Variants in CHD3 observed in about 807,000 individuals in gnomAD.
The protein encoded by CHD3 is chromodomain helicase DNA binding protein 3.
CHD3 carries 52 observed loss-of-function variants against 248.9 expected under a neutral mutation model. The ratio of observed to expected loss-of-function variants is 0.21; its 90% CI spans 0.17 to 0.26. The LOEUF is 0.26. CHD3 is among the 10% of genes least tolerant of loss of function. The pLI, the probability that CHD3 is intolerant of heterozygous loss-of-function variation, is 1.00. For synonymous variants in CHD3, 985 were observed against 985.2 expected (o/e 1.00, Z 0.00); for missense variants, 1,482 against 2,605.8 (o/e 0.57, Z 9.39).
chr17:7,909,373 C>A lies in CHD3; in HGVS notation c.5590+35C>A. ...GCGGCGGCCCCGCGCGGGGGAGGGC[C>A]CACAACGCTGCGTAAGTCTTCACCC... On this transcript the variant is annotated intron_variant, in intron 37 of 39. Coordinates refer to ENST00000330494, the MANE Select transcript of CHD3 (RefSeq NM_001005273.3). This position sits in a 1 kb window ranked among gnomAD's most constrained non-coding sequence, Gnocchi z 8.1. 6.6e-7 allele frequency: 1 copy of A among 1,512,518 alleles called. No individual in the cohort carries two copies. The highest frequency in any genetic ancestry group is 8.9e-7 in the Non-Finnish European group (1 of 1,128,804). 93.7% of individuals were successfully genotyped at this position (1,512,518 alleles called of 1,614,324 possible). A position where few individuals can be genotyped will look rare whatever the true frequency, so the allele number is the denominator to read the frequency against.
At chr17:7,885,545 G>A (rs1238030139), upstream of CHD3, among the ~76,000 whole-genome samples, 3 of 151,626 alleles carry the variant, frequency 2.0e-5, no homozygotes, top group South Asian at 4.2e-4. Flanking sequence ...GGACGGCGGC[G>A]TGGGGGAGGG....
At chr17:7,887,431 T>G (rs929332127), upstream of CHD3, among the ~76,000 whole-genome samples, 2 of 135,100 alleles carry the variant, frequency 1.5e-5, no homozygotes, top group African/African-American at 5.7e-5. Flanking sequence ...TCGAGAGAAA[T>G]AATATAACAT....
intron 13 of CHD3, 96 bp downstream of exon 13, chr17:7,898,691 C>T: frequency 1.1e-6 from 1 of 921,336 alleles, no homozygotes; most frequent in Admixed American, 2.5e-5. Flanking sequence ...ATTCAGTAAC[C>T]TCTGTGAACA....
Position 7,903,301 on chromosome 17 carries a change from G to A in CHD3, c.3525G>A (p.Gln1175=). 1.2e-6 allele frequency: 2 copies of A among 1,614,114 alleles called. No individual in the cohort carries two copies. The highest frequency in any genetic ancestry group is 1.7e-6 in the Non-Finnish European group (2 of 1,180,036). The change falls in exon 23 of 40, where the codon CAG becomes CAA. Residue 1175 remains glutamine (Q), a synonymous_variant. Transcript: ENST00000330494. The surrounding 1 kb of genome is among the most constrained non-coding windows in gnomAD (Gnocchi z 6.8). The part of the protein sequence containing the change: ...QAFSRAHRIG[Q]ANKVMIYRFV... The stretch of plus-strand genomic sequence containing the variant: ...TTAGCCGGGCTCATCGGATTGGCCA[G>A]GCCAACAAAGTGATGATTTACCGGT...
Position 7,911,062 on chromosome 17 carries a change from C to T in CHD3, c.5881+89C>T. The T allele has an allele frequency of 6.5e-7, 1 of 1,541,104 alleles. No individual in the cohort carries two copies. The highest frequency in any genetic ancestry group is 8.9e-7 in the Non-Finnish European group (1 of 1,126,980). On this transcript the variant is annotated intron_variant, in intron 39 of 39. Transcript: ENST00000330494. The surrounding 1 kb of genome is among the most constrained non-coding windows in gnomAD (Gnocchi z 5.4). ...TCAGCTGCCCTTTAACTGCTCTAGT[C>T]CATCTCATTTCCTTGGTGGTATCCG...
Position 7,903,233 on chromosome 17 carries a change from C to T in CHD3, c.3496-39C>T. 1 of 1,603,196 alleles carries T rather than the reference C, an allele frequency of 6.2e-7. No individual in the cohort carries two copies. The highest frequency in any genetic ancestry group is 1.7e-5 in the Admixed American group (1 of 59,938). On this transcript the variant is annotated intron_variant, in intron 22 of 39. Coordinates refer to ENST00000330494, the MANE Select transcript of CHD3 (RefSeq NM_001005273.3). The surrounding 1 kb of genome is among the most constrained non-coding windows in gnomAD (Gnocchi z 6.8). The stretch of plus-strand genomic sequence containing the variant: ...TCTATGGGCAGCTTCTCCCCGGCCA[C>T]TCCCCTGACCCACCCGCCACTTTCT...
upstream of CHD3, among the ~76,000 whole-genome samples, chr17:7,885,426 G>A (rs1437784564): frequency 6.6e-6 from 1 of 150,810 alleles, no homozygotes; most frequent in African/African-American, 2.4e-5. Context: ...AGGAGGAGGA[G>A]GAGGTTTTTT....
chr17:7,890,477 T>A, intron 2 of CHD3, 94 bp from the exon 3 acceptor site: 1 of 843,300 alleles, frequency 1.2e-6, no homozygotes, highest in Non-Finnish European at 1.7e-6. Flanking sequence ...AGGATTGTTG[T>A]GAAGATTAAA....
In CHD3 at chr17:7,909,248, G is replaced by T. The variant is rs755801203; in HGVS notation, c.5500G>T (p.Ala1834Ser). 1 of 1,553,492 alleles carries T rather than the reference G, an allele frequency of 6.4e-7. No individual in the cohort carries two copies. The highest frequency in any genetic ancestry group is 8.7e-7 in the Non-Finnish European group (1 of 1,149,810). The change falls in exon 37 of 40, where the codon GCC becomes TCC. Residue 1834 changes from alanine (A) to serine (S), a missense_variant. By Grantham distance (99) the Ala-to-Ser change is moderately conservative (BLOSUM62 1). Around this residue, in one of 20 missense-constraint regions of CHD3, gnomAD observed 83 missense variants for 181.0 expected, o/e 0.46. Transcript: ENST00000330494. The surrounding 1 kb of genome is among the most constrained non-coding windows in gnomAD (Gnocchi z 8.1). ...CGCCATGGCCCTCCACGCCCGCTTC[G>T]CCGAGGCCGAGTGCCTGGCCGAGAG... ...HPAMALHARF[A>S]EAECLAESHQ...
chr17:7,911,531 C>G lies in CHD3; in HGVS notation c.5949C>G (p.Asp1983Glu). ...AAATGGTGGGGGCATTGGTGTCAGACGGGCTGGATCGGAAGGAGCCCCGAG... is the reference window on the plus strand; with the variant it reads ...AAATGGTGGGGGCATTGGTGTCAGAGGGGCTGGATCGGAAGGAGCCCCGAG... The part of the protein sequence containing the change: ...EKEMVGALVS[D>E]GLDRKEPRAG... The change falls in exon 40 of 40, where the codon GAC (aspartate) becomes GAG (glutamate). Residue 1983 changes from aspartate (D) to glutamate (E), a missense_variant. By Grantham distance (45) the Asp-to-Glu change is conservative (BLOSUM62 2). Coordinates refer to ENST00000330494, the MANE Select transcript of CHD3 (RefSeq NM_001005273.3). This position sits in a 1 kb window ranked among gnomAD's most constrained non-coding sequence, Gnocchi z 5.4. 1 of 1,614,194 alleles carries G rather than the reference C, an allele frequency of 6.2e-7. No individual in the cohort carries two copies. The highest frequency in any genetic ancestry group is 8.5e-7 in the Non-Finnish European group (1 of 1,180,024).
chr17:7,888,891 GCCC>G lies in CHD3; in HGVS notation c.-107_-105del. 6.5e-7 allele frequency: 1 copy of G among 1,545,750 alleles called. No homozygotes were observed. Among genetic ancestry groups the G allele is most frequent in the Non-Finnish European group, 8.7e-7 (1 of 1,147,548 alleles). ...GTGAGATCGGGAAACAAAGGGTATGGCCCCCTAGTTCCCAAAGGGAGCAGGGAG... is the reference window on the plus strand; with the variant it reads ...GTGAGATCGGGAAACAAAGGGTATGGCCTAGTTCCCAAAGGGAGCAGGGAG... On this transcript the variant is annotated 5_prime_UTR_variant, in exon 1 of 40. Coordinates refer to ENST00000330494, the MANE Select transcript of CHD3 (RefSeq NM_001005273.3).
chr17:7,911,616 C>A lies in CHD3; in HGVS notation c.*31C>A, dbSNP rs201176893. ...TCCCAGGCCTGCCCTTCACCCAGGC[C>A]CCGTCCCCGAGGCCGACCCCCAGCT... is the stretch of plus-strand genomic sequence containing the variant. On this transcript the variant is annotated 3_prime_UTR_variant, in exon 40 of 40. Coordinates refer to ENST00000330494, the MANE Select transcript of CHD3 (RefSeq NM_001005273.3). This position sits in a 1 kb window ranked among gnomAD's most constrained non-coding sequence, Gnocchi z 5.4. The A allele has an allele frequency of 1.8e-3, 2,851 of 1,613,394 alleles. 3 individuals carry two copies. The highest frequency in any genetic ancestry group is 2.3e-3 in the Non-Finnish European group (2,754 of 1,179,580).
At position 7,894,935 on chromosome 17, in the gene CHD3, T is replaced by C; in HGVS notation, c.1288T>C (p.Trp430Arg). 1.2e-6 allele frequency: 2 copies of C among 1,612,684 alleles called. No individual in the cohort carries two copies. Among genetic ancestry groups the C allele is most frequent in the Non-Finnish European group, 1.7e-6 (2 of 1,179,534 alleles). Residue 430 changes from tryptophan (W) to arginine (R), a missense_variant, in exon 9 of 40, where the codon TGG (tryptophan) becomes CGG (arginine). Physicochemically the swap from Trp to Arg is moderately radical, Grantham distance 101 (BLOSUM62 -3). Around this residue, in one of 20 missense-constraint regions of CHD3, gnomAD observed 138 missense variants for 241.1 expected, o/e 0.57. Coordinates refer to ENST00000330494, the MANE Select transcript of CHD3 (RefSeq NM_001005273.3). Reference sequence around the variant, plus strand: ...CCCCTAGGAGAAGGAGGGGGTCCAGTGGGAGGCCAAGGAGGAAGAAGAAGA... The same window carrying C: ...CCCCTAGGAGAAGGAGGGGGTCCAGCGGGAGGCCAAGGAGGAAGAAGAAGA... ...CPHCEKEGVQ[W>R]EAKEEEEEYE...
rs1466218238 is a variant in CHD3 at position 7,900,420 on chromosome 17, T to C, written c.2804+9T>C. ...ACCCCAGAGAGATTTAAGTAAGTGG[T>C]TCCCTAAGGGTAGTTGGCAGAGATG... On this transcript the variant is annotated intron_variant, in intron 17 of 39. Coordinates refer to ENST00000330494, the MANE Select transcript of CHD3 (RefSeq NM_001005273.3). The surrounding 1 kb of genome is among the most constrained non-coding windows in gnomAD (Gnocchi z 6.5). The C allele has an allele frequency of 6.2e-7, 1 of 1,614,104 alleles. No individual in the cohort carries two copies. Among genetic ancestry groups the C allele is most frequent in the South Asian group, 1.1e-5 (1 of 91,082 alleles).
Position 7,907,843 on chromosome 17 carries a change from C to G in CHD3, c.5027-51C>G. ...ACAGTACAGATAGTAGTCTTGGGAC[C>G]TGGGAGGAGGGTGTCCTGAGGTGTG... On this transcript the variant is annotated intron_variant, in intron 33 of 39. Transcript: ENST00000330494. This position sits in a 1 kb window ranked among gnomAD's most constrained non-coding sequence, Gnocchi z 4.3. The G allele has an allele frequency of 6.3e-7, 1 of 1,582,384 alleles. No individual in the cohort carries two copies.
chr17:7,897,051 T>C lies in CHD3; in HGVS notation c.1708-32T>C. 1 of 1,582,498 alleles carries C rather than the reference T, an allele frequency of 6.3e-7. No homozygotes were observed. The highest frequency in any genetic ancestry group is 2.2e-5 in the East Asian group (1 of 44,712). ...TGTTGTCCTCTGTGAGTGTCAGGAC[T>C]ATCTCTTTCCCTTTTTTCTGTGCCC... On this transcript the variant is annotated intron_variant, in intron 10 of 39. Transcript: ENST00000330494. The surrounding 1 kb of genome is among the most constrained non-coding windows in gnomAD (Gnocchi z 4.8).
At chr17:7,893,770 C>T in intron 5 of CHD3, 35 bp from the exon 6 acceptor site, 1 of 1,609,416 alleles carries the variant, frequency 6.2e-7, no homozygotes, top group African/African-American at 1.3e-5. Context: ...CATGACCTCT[C>T]CTTTTTCCTC....
intron 4 of CHD3, 76 bp downstream of exon 4, chr17:7,891,140 T>A: frequency 6.6e-7 from 1 of 1,525,820 alleles, no homozygotes; most frequent in Non-Finnish European, 9.0e-7. Flanking sequence ...TGGAATCTGA[T>A]GAAAGCTATG....
Position 7,901,252 on chromosome 17 carries a change from C to A in CHD3, c.3129C>A (p.Pro1043=). Residue 1043 remains proline (P), a synonymous_variant, in exon 20 of 40, where the codon CCC becomes CCA. Transcript: ENST00000330494. ...CTCTCCTCCCTTTTCAGGAGTCCCC[C>A]AAACTCCCCAGTGGGGCTTATGAGG... The part of the protein sequence containing the change: ...YLFPVAAMES[P]KLPSGAYEGG... 1 of 1,603,830 alleles carries A rather than the reference C, an allele frequency of 6.2e-7. No individual in the cohort carries two copies. The highest frequency in any genetic ancestry group is 8.5e-7 in the Non-Finnish European group (1 of 1,174,060).
Sources: allele counts gnomAD v4.1 joint callset (sites outside exome capture counted in the v4.1 genomes callset), GRCh38; gene constraint gnomAD v4.1.1; regional missense constraint gnomAD v4.1.1; non-coding constraint Gnocchi (gnomAD v3.1); transcripts MANE v1.5; gene names NCBI Gene and HGNC (gene_info 2026-07-23, HGNC 2026-07-21).